UBR2: variants seen among roughly 807,000 people sequenced by gnomAD.
The protein encoded by UBR2 is E3 ubiquitin-protein ligase UBR2.
A neutral mutation model predicts 247.9 loss-of-function variants in UBR2; 92 were observed. The observed-to-expected ratio is 0.37, with a 90% CI of 0.31 to 0.44. The LOEUF is 0.44. Among genes scored for constraint, UBR2 ranks in the 20% least tolerant of loss-of-function variants. The pLI, the probability that UBR2 is intolerant of heterozygous loss-of-function variation, is 1.00. For missense variants in UBR2, 1,613 were observed against 2,112.6 expected (o/e 0.76, Z 4.64); for synonymous variants, 672 against 693.5 (o/e 0.97, Z 0.49).
rs1426780223 is a variant in UBR2 at position 42,658,884 on chromosome 6, G to A, written c.3242+60G>A. On this transcript the variant is annotated intron_variant, in intron 29 of 46. Coordinates refer to ENST00000372901, the MANE Select transcript of UBR2 (RefSeq NM_001363705.2). Reference sequence around the variant, plus strand: ...CGAGTTTTTCCCAACTAGGGGCAGTGTTGCGTTTTCTCCTTGTAAGTATAC... The same window carrying A: ...CGAGTTTTTCCCAACTAGGGGCAGTATTGCGTTTTCTCCTTGTAAGTATAC... 3 of 1,463,488 alleles carry A rather than the reference G, an allele frequency of 2.0e-6. No homozygotes were observed. In the African/African-American group the frequency reaches 4.4e-5, roughly 21 times the overall value. 90.7% of individuals were successfully genotyped at this position (1,463,488 alleles called of 1,614,324 possible). A position where few individuals can be genotyped will look rare whatever the true frequency, so the allele number is the denominator to read the frequency against.
intron 4 of UBR2, among the ~76,000 whole-genome samples, chr6:42,601,183 T>G (rs1793334598): frequency 6.6e-6 from 1 of 152,194 alleles, no homozygotes; most frequent in Admixed American, 6.5e-5. Flanking sequence ...AATGACTGTT[T>G]GGTGAGATAA....
chr6:42,647,994 T>G, intron 21 of UBR2, 124 bp from the exon 22 acceptor site: 1 of 605,132 alleles, frequency 1.7e-6, no homozygotes. Flanking sequence ...AATCCTCATC[T>G]GTAAAAATGG....
intron 2 of UBR2, among the ~76,000 whole-genome samples, chr6:42,577,235 G>A (rs1437289726): frequency 6.6e-6 from 1 of 152,116 alleles, no homozygotes; most frequent in East Asian, 1.9e-4. Flanking sequence ...TCAGGATAAA[G>A]GTGACTGATA....
At chr6:42,632,956 C>CTTTTTT in intron 13 of UBR2, 52 bp downstream of exon 13, 1 of 929,526 alleles carries the variant, frequency 1.1e-6, no homozygotes, top group East Asian at 3.4e-5. Context: ...TTTCTCTTTT[C>CTTTTTT]TCTTTTTTTT....
At chr6:42,649,244 A>G (rs1796964807) in intron 22 of UBR2, among the ~76,000 whole-genome samples, 1 of 152,142 alleles carries the variant, frequency 6.6e-6, no homozygotes, top group Non-Finnish European at 1.5e-5. Flanking sequence ...CTAACTTCAG[A>G]TGATCCAGCC....
intron 32 of UBR2, 41 bp from the exon 33 acceptor site, chr6:42,665,368 A>G: frequency 2.1e-6 from 3 of 1,444,112 alleles, no homozygotes; most frequent in African/African-American, 1.4e-5. Context: ...ATCTTAAGGA[A>G]CAATAATAAA....
intron 2 of UBR2, 150 bp downstream of exon 2, chr6:42,574,143 T>A (rs987279876): frequency 3.1e-5 from 26 of 829,586 alleles, no homozygotes; most frequent in Non-Finnish European, 4.0e-5. Flanking sequence ...AATAAATAAT[T>A]AAAGCAAACA....
intron 44 of UBR2, among the ~76,000 whole-genome samples, chr6:42,687,090 G>A (rs552211633): frequency 1.3e-5 from 2 of 152,264 alleles, no homozygotes; most frequent in South Asian, 2.1e-4. Flanking sequence ...GGTGGCGGCC[G>A]GGCAGAGGCT....
Position 42,659,544 on chromosome 6 carries a change from C to CACT in UBR2, c.3243-110_3243-109insTAC. 1 of 730,516 alleles carries CACT rather than the reference C, an allele frequency of 1.4e-6. No individual in the cohort carries two copies. The highest frequency in any genetic ancestry group is 2.3e-6 in the Non-Finnish European group (1 of 444,228). The allele number at this position is 730,516 out of a possible 1,614,324, so 45.3% of individuals were successfully genotyped here. ...ATACACACACACACACACACACACA[C>CACT]ACACACACACACACACACTACACAC... On this transcript the variant is annotated intron_variant, in intron 29 of 46. Transcript: ENST00000372901. The surrounding 1 kb of genome is among the most constrained non-coding windows in gnomAD (Gnocchi z 4.3).
At chr6:42,645,807 A>G (rs375607897) in intron 21 of UBR2, among the ~76,000 whole-genome samples, 2 of 152,318 alleles carry the variant, frequency 1.3e-5, no homozygotes, top group East Asian at 3.9e-4. Flanking sequence ...TAAAGCCTTG[A>G]GGAAGATAAG....
Position 42,691,364 on chromosome 6 carries a change from G to A in UBR2, c.*191G>A. ...CAGATTTTCTTGCACTGTTTGCTGTGCCCCTCAAATATAATGTCTTGGGTT... is the reference window on the plus strand; with the variant it reads ...CAGATTTTCTTGCACTGTTTGCTGTACCCCTCAAATATAATGTCTTGGGTT... On this transcript the variant is annotated 3_prime_UTR_variant, in exon 47 of 47. Transcript: ENST00000372901. 1.4e-6 allele frequency: 1 copy of A among 711,736 alleles called. No individual in the cohort carries two copies. Among genetic ancestry groups the A allele is most frequent in the Non-Finnish European group, 2.3e-6 (1 of 443,756 alleles). 44.1% of individuals were successfully genotyped at this position (711,736 alleles called of 1,614,324 possible).
rs374708460 is a variant in UBR2, at chr6:42,652,964, A to G, written c.2769+319A>G. Among the ~76,000 whole-genome samples the G allele has an allele frequency of 4.7e-4, 72 of 152,324 alleles. 1 individual carries two copies. In the East Asian group the frequency reaches 6.2e-3, roughly 13 times the overall value. On this transcript the variant is annotated intron_variant, in intron 25 of 46. Coordinates refer to ENST00000372901, the MANE Select transcript of UBR2 (RefSeq NM_001363705.2). Reference sequence around the variant, plus strand: ...TGTTTCTAATCTAATTATTTTCCAAAACAAAAATTTTTTTTGAATCATCCA... The same window carrying G: ...TGTTTCTAATCTAATTATTTTCCAAGACAAAAATTTTTTTTGAATCATCCA...
intron 4 of UBR2, among the ~76,000 whole-genome samples, chr6:42,599,216 T>C (rs1383319904): frequency 6.6e-6 from 1 of 152,196 alleles, no homozygotes; most frequent in Non-Finnish European, 1.5e-5. Flanking sequence ...GATCAGTAAT[T>C]ATTAATAACT....
intron 4 of UBR2, among the ~76,000 whole-genome samples, chr6:42,601,887 T>TAGTAGAGATGAGGTTTCACCACA (rs1562298358): frequency 1.0e-3 from 137 of 133,568 alleles, no homozygotes; most frequent in Middle Eastern, 3.7e-3. Context: ...TTTTTTTTTT[T>TAGTAGAGATGAGGTTTCACCACA]TTGATGGAGT....
intron 7 of UBR2, among the ~76,000 whole-genome samples, chr6:42,611,007 G>A (rs1195131957): frequency 6.6e-6 from 1 of 151,120 alleles, no homozygotes; most frequent in Non-Finnish European, 1.5e-5. Flanking sequence ...CACCACGCTC[G>A]GCTAATTTTT....
chr6:42,613,252 A>G (rs984925404), intron 8 of UBR2, among the ~76,000 whole-genome samples: 1 of 152,220 alleles, frequency 6.6e-6, no homozygotes, highest in Non-Finnish European at 1.5e-5. Flanking sequence ...CTGTTATGCT[A>G]TTCTTCAGGC....
chr6:42,595,136 G>A (rs59730589), intron 4 of UBR2, among the ~76,000 whole-genome samples: 3,542 of 152,164 alleles, frequency 0.023, 120 homozygotes, highest in African/African-American at 0.08. Flanking sequence ...ATCACCTCAA[G>A]CATTTAACAT....
At chr6:42,591,621 A>G (rs1181914530) in intron 2 of UBR2, among the ~76,000 whole-genome samples, 1 of 152,192 alleles carries the variant, frequency 6.6e-6, no homozygotes, top group Non-Finnish European at 1.5e-5. Context: ...GTGAACCTAT[A>G]GAAGGTTTAA....
intron 11 of UBR2, chr6:42,619,436 TA>T (rs1279890451): frequency 0.014 from 341 of 24,092 alleles, 20 homozygotes; most frequent in African/African-American, 0.036. Flanking sequence ...TATATATATA[TA>T]TATATATATA....
Sources: allele counts gnomAD v4.1 joint callset (sites outside exome capture counted in the v4.1 genomes callset), GRCh38; gene constraint gnomAD v4.1.1; non-coding constraint Gnocchi (gnomAD v3.1); transcripts MANE v1.5; gene names NCBI Gene and HGNC (gene_info 2026-07-23, HGNC 2026-07-21).